WDR7: variants seen among roughly 807,000 people sequenced by gnomAD.
WDR7 encodes WD repeat domain 7.
WDR7 carries 46 observed loss-of-function variants against 169.4 expected under a neutral mutation model. The ratio of observed to expected loss-of-function variants is 0.27; its 90% CI spans 0.21 to 0.35. The LOEUF (loss-of-function observed/expected upper bound fraction) is 0.35. Among genes scored for constraint, WDR7 ranks in the 10% least tolerant of loss-of-function variants. The probability of loss-of-function intolerance (pLI) is 1.00; values close to 1 mark genes in which losing one functional copy is unlikely to be tolerated. For missense variants in WDR7, 1,534 were observed against 1,859.3 expected (o/e 0.83, Z 3.22); for synonymous variants, 612 against 666.8 (o/e 0.92, Z 1.27).
At chr18:57,011,705 T>C (rs572264491) in intron 26 of WDR7, among the ~76,000 whole-genome samples, 1 of 152,340 alleles carries the variant, frequency 6.6e-6, no homozygotes, top group South Asian at 2.1e-4. Flanking sequence ...CTCAAATCTC[T>C]GTTCAAAATC....
chr18:56,874,418 A>G (rs923378172), intron 20 of WDR7, among the ~76,000 whole-genome samples: 1 of 152,120 alleles, frequency 6.6e-6, no homozygotes, highest in African/African-American at 2.4e-5. Flanking sequence ...CTCTGTCTTT[A>G]AAAAACTAAA....
At chr18:56,674,338 A>C (rs1033588728) in intron 2 of WDR7, among the ~76,000 whole-genome samples, 1 of 152,180 alleles carries the variant, frequency 6.6e-6, no homozygotes, top group African/African-American at 2.4e-5. Flanking sequence ...TTTTGTGTGT[A>C]AAGTGGTATC....
chr18:56,696,633 C>A, intron 12 of WDR7, 171 bp downstream of exon 12: 1 of 591,932 alleles, frequency 1.7e-6, no homozygotes, highest in Non-Finnish European at 2.8e-6. Flanking sequence ...AAGTTACGGC[C>A]ACTAACTATT....
chr18:56,978,945 G>A (rs2047604732), intron 26 of WDR7, among the ~76,000 whole-genome samples: 1 of 152,076 alleles, frequency 6.6e-6, no homozygotes, highest in South Asian at 2.1e-4. Flanking sequence ...AGTCCCCAAG[G>A]CCTATAAAAT....
intron 26 of WDR7, among the ~76,000 whole-genome samples, chr18:56,997,748 ATTAC>A (rs1186250994): frequency 1.3e-5 from 2 of 152,200 alleles, no homozygotes; most frequent in Non-Finnish European, 2.9e-5. Context: ...AGATGAATAA[ATTAC>A]TTAGAGTATA....
chr18:56,805,194 C>T (rs766660643), intron 19 of WDR7, among the ~76,000 whole-genome samples: 2 of 152,116 alleles, frequency 1.3e-5, no homozygotes, highest in Admixed American at 6.5e-5. Context: ...TCCACAAGTC[C>T]ACCCCTTGTC....
chr18:56,658,086 A>T (rs1289331464), intron 1 of WDR7, among the ~76,000 whole-genome samples: 1 of 151,930 alleles, frequency 6.6e-6, no homozygotes, highest in Non-Finnish European at 1.5e-5. Context: ...ATTTCTGGAG[A>T]TATGTGACTT....
intron 26 of WDR7, among the ~76,000 whole-genome samples, chr18:56,999,025 A>G (rs1274359195): frequency 1.3e-5 from 2 of 152,164 alleles, no homozygotes; most frequent in Non-Finnish European, 2.9e-5. Flanking sequence ...ATTATTTCCA[A>G]TTTCCAATGT....
intron 20 of WDR7, among the ~76,000 whole-genome samples, chr18:56,836,291 C>G (rs930708888): frequency 1.3e-5 from 2 of 152,084 alleles, no homozygotes; most frequent in African/African-American, 4.8e-5. Context: ...ATACAACAAA[C>G]GAAACCGTCT....
In WDR7 at chr18:57,029,641, A is replaced by T. The variant is rs1404647741; in HGVS notation, c.*2434A>T. 1 of 152,064 alleles carries T rather than the reference A, an allele frequency of 6.6e-6. No homozygotes were observed. Among genetic ancestry groups the T allele is most frequent in the Non-Finnish European group, 1.5e-5 (1 of 68,028 alleles). The allele number at this position is 152,064 out of a possible 1,614,324, so 9.4% of individuals were successfully genotyped here. On this transcript the variant is annotated 3_prime_UTR_variant, in exon 28 of 28. Transcript: ENST00000254442. Reference sequence around the variant, plus strand: ...AAAGATGACATGACGTGACACCTGTATGAAAATGTGATGATTGAACTCCCT... The same window carrying T: ...AAAGATGACATGACGTGACACCTGTTTGAAAATGTGATGATTGAACTCCCT...
At chr18:56,754,245 CTTTGTGTGTGTG>C in intron 14 of WDR7, among the ~76,000 whole-genome samples, 1 of 73,008 alleles carries the variant, frequency 1.4e-5, no homozygotes, top group Non-Finnish European at 2.8e-5. Context: ...ATGTTTTGTG[CTTTGTGTGTGTG>C]TGTGTGTGTG....
intron 27 of WDR7, among the ~76,000 whole-genome samples, chr18:57,025,953 G>A (rs142885631): frequency 1.1e-3 from 167 of 152,296 alleles, no homozygotes; most frequent in African/African-American, 3.7e-3. Flanking sequence ...ATCTTACATC[G>A]AGATGGAGGT....
At chr18:56,811,056 C>A (rs184250120) in intron 19 of WDR7, among the ~76,000 whole-genome samples, 3 of 152,080 alleles carry the variant, frequency 2.0e-5, no homozygotes, top group African/African-American at 7.2e-5. Flanking sequence ...TAATGTTTTG[C>A]GACTTCTTTT....
intron 9 of WDR7, among the ~76,000 whole-genome samples, chr18:56,693,062 C>G (rs2025612770): frequency 6.6e-6 from 1 of 152,004 alleles, no homozygotes; most frequent in Non-Finnish European, 1.5e-5. Flanking sequence ...GAGACCCTGT[C>G]TCAAAAGCAA....
rs74867710 is a variant in WDR7, at chr18:56,850,836, A to G, written c.3305-29108A>G. 7.1e-3 allele frequency among the ~76,000 whole-genome samples: 1,078 copies of G among 152,218 alleles called. 16 individuals are homozygous for G. The highest frequency in any genetic ancestry group is 0.024 in the African/African-American group (1,015 of 41,520). ...CTTGAACTGACTCTTCTAAGCACCA[A>G]CCAGCTTCCTTGACCTATGTTTCTT... On this transcript the variant is annotated intron_variant, in intron 20 of 27. Coordinates refer to ENST00000254442, the MANE Select transcript of WDR7 (RefSeq NM_015285.3).
chr18:57,006,849 T>G (rs1255803912), intron 26 of WDR7, among the ~76,000 whole-genome samples: 1 of 152,212 alleles, frequency 6.6e-6, no homozygotes, highest in Non-Finnish European at 1.5e-5. Flanking sequence ...GTTAATTTTT[T>G]TGTGTGTTCG....
At chr18:56,945,783 T>G (rs547952325) in intron 25 of WDR7, among the ~76,000 whole-genome samples, 44 of 152,284 alleles carry the variant, frequency 2.9e-4, no homozygotes, top group African/African-American at 1.0e-3. Flanking sequence ...GTGATTCTTA[T>G]GAACACTAAA....
At chr18:56,936,152 T>G (rs1328127147) in intron 23 of WDR7, 2 of 423,866 alleles carry the variant, frequency 4.7e-6, no homozygotes, top group Admixed American at 8.0e-5. Flanking sequence ...TATAAATATT[T>G]GACAATCATT....
chr18:56,805,219 C>A (rs1169417438), intron 19 of WDR7, among the ~76,000 whole-genome samples: 3 of 152,114 alleles, frequency 2.0e-5, no homozygotes, highest in Non-Finnish European at 4.4e-5. Context: ...TGTTACCCAT[C>A]CACACCTCCT....
Sources: gnomAD v4.1 joint callset for allele counts (sites outside exome capture counted in the v4.1 genomes callset) on GRCh38, gnomAD v4.1.1 for gene constraint, MANE v1.5 for transcripts, NCBI Gene and HGNC (gene_info 2026-07-23, HGNC 2026-07-21) for gene names.